The following FNDC3B variants were observed in gnomAD, a reference collection of about 807,000 sequenced individuals.
The protein encoded by FNDC3B is fibronectin type III domain containing 3B, also known as fibronectin type III domain-containing protein 3B.
In FNDC3B, 12 loss-of-function variants were observed where a neutral mutation model predicts 151.5. The observed-to-expected ratio is 0.08, with a 90% CI of 0.05 to 0.13. FNDC3B has a LOEUF of 0.13. FNDC3B is among the 10% of genes least tolerant of loss of function. The pLI, the probability that FNDC3B is intolerant of heterozygous loss-of-function variation, is 1.00. For missense variants in FNDC3B, 1,214 were observed against 1,505.3 expected (o/e 0.81, Z 3.20); for synonymous variants, 528 against 549.0 (o/e 0.96, Z 0.54).
At chr3:172,082,085 C>T (rs1207855884) in intron 1 of FNDC3B, among the ~76,000 whole-genome samples, 1 of 152,016 alleles carries the variant, frequency 6.6e-6, no homozygotes, top group Non-Finnish European at 1.5e-5. Flanking sequence ...GTCAGGGGAG[C>T]CTATTACATT....
At chr3:172,396,551 G>A (rs867662695) in intron 25 of FNDC3B, among the ~76,000 whole-genome samples, 5 of 152,152 alleles carry the variant, frequency 3.3e-5, no homozygotes, top group African/African-American at 9.7e-5. Flanking sequence ...CCCAGGCCGG[G>A]TACCAGTACT....
chr3:172,344,194 C>T lies in FNDC3B; in HGVS notation c.2186C>T (p.Thr729Ile), dbSNP rs753920476. The change falls in exon 19 of 26, where the codon ACC becomes ATC. Residue 729 changes from threonine (T) to isoleucine (I), a missense_variant. Transcript: ENST00000415807. ...TACCATGGCCCAGAGCTGGAGTGCA[C>T]CGTCGGCAACCTGCTTCCTGGAACC... ...EVYHGPELEC[T>I]VGNLLPGTVY... 2 of 1,614,120 alleles carry T rather than the reference C, an allele frequency of 1.2e-6. No homozygotes were observed. Among genetic ancestry groups the T allele is most frequent in the Non-Finnish European group, 1.7e-6 (2 of 1,179,986 alleles).
intron 19 of FNDC3B, 157 bp from the exon 20 acceptor site, chr3:172,346,170 T>C: frequency 2.3e-6 from 1 of 425,972 alleles, no homozygotes; most frequent in Non-Finnish European, 4.2e-6. Flanking sequence ...ACACATTGAA[T>C]TGAAAGTGAA....
chr3:172,306,245 T>G lies in FNDC3B; in HGVS notation c.1062-1118T>G, dbSNP rs1316604171. On this transcript the variant is annotated intron_variant, in intron 9 of 25. Coordinates refer to ENST00000415807, the MANE Select transcript of FNDC3B (RefSeq NM_022763.4). ...GCTAAGGGAAGTGGATTGTGGTGTT[T>G]AGAGGAACATGATTGCAGGATGAAC... 3.3e-5 allele frequency among the ~76,000 whole-genome samples: 5 copies of G among 152,194 alleles called. No homozygotes were observed. In the East Asian group the frequency reaches 7.7e-4, roughly 23 times the overall value.
chr3:172,372,565 A>G (rs1275209172), intron 23 of FNDC3B, among the ~76,000 whole-genome samples: 2 of 152,214 alleles, frequency 1.3e-5, no homozygotes, highest in Non-Finnish European at 2.9e-5. Flanking sequence ...ACCAAATTAG[A>G]TGAGTGATTT....
intron 25 of FNDC3B, among the ~76,000 whole-genome samples, chr3:172,387,975 C>A (rs12495681): frequency 1.3e-5 from 2 of 152,162 alleles, no homozygotes; most frequent in Non-Finnish European, 2.9e-5. Flanking sequence ...AGGGGAGACA[C>A]GGCGACAAGT....
chr3:172,114,762 T>A (rs1443583382), intron 2 of FNDC3B, among the ~76,000 whole-genome samples: 1 of 152,132 alleles, frequency 6.6e-6, no homozygotes, highest in East Asian at 1.9e-4. Context: ...TTATTAAATC[T>A]TTTTTTAATC....
At position 172,257,928 on chromosome 3, in the gene FNDC3B, A is replaced by T. The variant is rs973342725; in HGVS notation, c.790+6387A>T. 5.9e-5 allele frequency among the ~76,000 whole-genome samples: 9 copies of T among 152,072 alleles called. No homozygotes were observed. The East Asian group carries it at 1.3e-3, about 23-fold the overall frequency. ...GAGTGCCAAGCAATTTTTAACCAAG[A>T]TTTTAAATGGCAGGGGTGGGAAAGC... On this transcript the variant is annotated intron_variant, in intron 6 of 25. Transcript: ENST00000415807.
At chr3:172,347,569 A>G (rs1400421524) in intron 21 of FNDC3B, among the ~76,000 whole-genome samples, 1 of 152,236 alleles carries the variant, frequency 6.6e-6, no homozygotes, top group Non-Finnish European at 1.5e-5. Flanking sequence ...TTAAGAACAA[A>G]ATAAGATTCT....
At chr3:172,330,816 C>A in intron 13 of FNDC3B, 101 bp downstream of exon 13, 1 of 891,056 alleles carries the variant, frequency 1.1e-6, no homozygotes, top group Non-Finnish European at 1.7e-6. Flanking sequence ...CAGTTCAAAG[C>A]CAAACTCTTA....
chr3:172,049,356 AG>A (rs1237131737), intron 1 of FNDC3B, among the ~76,000 whole-genome samples: 1 of 152,030 alleles, frequency 6.6e-6, no homozygotes, highest in Non-Finnish European at 1.5e-5. Flanking sequence ...AGATCTCTGG[AG>A]GGGAAAAAAG....
chr3:172,148,972 C>A (rs1722074735), intron 3 of FNDC3B, among the ~76,000 whole-genome samples: 1 of 152,136 alleles, frequency 6.6e-6, no homozygotes, highest in East Asian at 1.9e-4. Context: ...AAGTAATTAA[C>A]CATAGAGCAG....
At chr3:172,323,427 CCT>C (rs1444247537) in intron 11 of FNDC3B, among the ~76,000 whole-genome samples, 9 of 152,038 alleles carry the variant, frequency 5.9e-5, no homozygotes, top group Admixed American at 5.9e-4. Context: ...AAGGAGAATC[CCT>C]TGAGTCCAGC....
intron 3 of FNDC3B, among the ~76,000 whole-genome samples, chr3:172,157,153 CGCTAAGCT>C (rs1559993057): frequency 6.6e-6 from 1 of 152,098 alleles, no homozygotes; most frequent in East Asian, 1.9e-4. Flanking sequence ...TCTTAAGTTT[CGCTAAGCT>C]GCCAGCAAAT....
intron 25 of FNDC3B, among the ~76,000 whole-genome samples, chr3:172,395,532 A>G (rs1344300142): frequency 1.3e-5 from 2 of 152,248 alleles, no homozygotes; most frequent in Admixed American, 6.5e-5. Flanking sequence ...AGAAGAAATC[A>G]GGTTTGTCAT....
intron 11 of FNDC3B, among the ~76,000 whole-genome samples, chr3:172,328,014 G>A (rs1445630974): frequency 6.6e-6 from 1 of 152,212 alleles, no homozygotes. Flanking sequence ...GTGGATATGG[G>A]TAGGAAATAT....
At chr3:172,287,802 A>G (rs1051733800) in intron 7 of FNDC3B, among the ~76,000 whole-genome samples, 1 of 152,158 alleles carries the variant, frequency 6.6e-6, no homozygotes, top group Non-Finnish European at 1.5e-5. Flanking sequence ...CTTTTTCTTG[A>G]TGCAGTATTT....
At chr3:172,163,857 T>C (rs1474559341) in intron 3 of FNDC3B, among the ~76,000 whole-genome samples, 1 of 152,236 alleles carries the variant, frequency 6.6e-6, no homozygotes, top group East Asian at 1.9e-4. Flanking sequence ...TGCCAGAGTC[T>C]TTTTAAAAAT....
intron 25 of FNDC3B, among the ~76,000 whole-genome samples, chr3:172,396,840 TG>T (rs1410456422): frequency 1.3e-5 from 2 of 152,218 alleles, no homozygotes; most frequent in Admixed American, 6.5e-5. Flanking sequence ...CCCAAAAGGT[TG>T]GGGACCGCTG....
Sources: allele counts gnomAD v4.1 joint callset (sites outside exome capture counted in the v4.1 genomes callset), GRCh38; gene constraint gnomAD v4.1.1; transcripts MANE v1.5; gene names NCBI Gene and HGNC (gene_info 2026-07-23, HGNC 2026-07-21).